Variants in EIF2S3B observed in about 807,000 individuals in gnomAD.
EIF2S3B encodes eukaryotic translation initiation factor 2 subunit gamma B, also known as eukaryotic translation initiation factor 2 subunit 3B.
In EIF2S3B, 16 loss-of-function variants were observed where a neutral mutation model predicts 26.4. That is an observed-to-expected ratio of 0.61 (90% CI 0.41 to 0.92). The LOEUF (loss-of-function observed/expected upper bound fraction) is 0.92. Among genes scored for constraint, EIF2S3B ranks in the 40% least tolerant of loss-of-function variants. The pLI, the probability that EIF2S3B is intolerant of heterozygous loss-of-function variation, is 0.00. For missense variants in EIF2S3B, 510 were observed against 575.5 expected, an observed-to-expected ratio of 0.89 and a Z score of 1.16; for synonymous variants, 183 against 204.4, an observed-to-expected ratio of 0.90 and a Z score of 0.89.
chr12:10,507,948 T>C lies in EIF2S3B; in HGVS notation c.*627T>C, dbSNP rs1176711356. Among the ~76,000 whole-genome samples, 1 of 152,112 alleles carries C rather than the reference T, an allele frequency of 6.6e-6. No individual in the cohort carries two copies. Among genetic ancestry groups the C allele is most frequent in the Non-Finnish European group, 1.5e-5 (1 of 68,030 alleles). ...CAGCCTTTGCTGTAGCACACACATATATCACTGAAACTGTTCGAAATAAAG... is the reference window on the plus strand; with the variant it reads ...CAGCCTTTGCTGTAGCACACACATACATCACTGAAACTGTTCGAAATAAAG... On this transcript the variant is annotated 3_prime_UTR_variant, in exon 1 of 1. Transcript: ENST00000538173.
At position 10,507,205 on chromosome 12, in the gene EIF2S3B, A is replaced by G. The variant is rs1243657892; in HGVS notation, c.1303A>G (p.Thr435Ala). 1.2e-6 allele frequency: 2 copies of G among 1,613,990 alleles called. No homozygotes were observed. The highest frequency in any genetic ancestry group is 1.7e-5 in the Admixed American group (1 of 60,028). Reference sequence around the variant, plus strand: ...AATTGTTTTGACCAATCCAGTGTGCACAGAGGTAGGAGAAAAAATTGCCCT... The same window carrying G: ...AATTGTTTTGACCAATCCAGTGTGCGCAGAGGTAGGAGAAAAAATTGCCCT... ...GKIVLTNPVC[T>A]EVGEKIALSR... The change falls in exon 1 of 1, where the codon ACA becomes GCA. Residue 435 changes from threonine (T) to alanine (A), a missense_variant. Thr to Ala is a moderately conservative substitution (Grantham distance 58, BLOSUM62 0). Coordinates refer to ENST00000538173, the MANE Select transcript of EIF2S3B (RefSeq NM_001357734.3).
exon 2 of EIF2S3B, chr12:10,522,848 T>C (rs1864847746): frequency 3.8e-6 from 2 of 520,774 alleles, no homozygotes; most frequent in Non-Finnish European, 6.9e-6. Flanking sequence ...TATTGCAACA[T>C]GTTTACAGCC....
chr12:10,506,544 A>C lies in EIF2S3B; in HGVS notation c.642A>C (p.Thr214=). The change falls in exon 1 of 1, where the codon ACA becomes ACC. Residue 214 remains threonine (T), a synonymous_variant. Transcript: ENST00000538173. The part of the protein sequence containing the change: ...YEQILAFVQG[T]VAEGAPIIPI... ...AGATCCTTGCGTTTGTCCAAGGTACAGTAGCAGAGGGAGCTCCCATTATTC... is the reference window on the plus strand; with the variant it reads ...AGATCCTTGCGTTTGTCCAAGGTACCGTAGCAGAGGGAGCTCCCATTATTC... 2 of 1,590,978 alleles carry C rather than the reference A, an allele frequency of 1.3e-6. No homozygotes were observed. The highest frequency in any genetic ancestry group is 2.2e-5 in the South Asian group (2 of 90,554).
chr12:10,519,575 C>T (rs1390858782), intron 1 of EIF2S3B, among the ~76,000 whole-genome samples: 2 of 152,120 alleles, frequency 1.3e-5, no homozygotes, highest in East Asian at 3.9e-4. Flanking sequence ...AACAGGCAAC[C>T]TACAAAATGG....
At chr12:10,522,471 A>G in intron 1 of EIF2S3B, 1 of 510,348 alleles carries the variant, frequency 2.0e-6, no homozygotes, top group Non-Finnish European at 3.5e-6. Flanking sequence ...AGAACAAAGC[A>G]TCATTCAATT....
At position 10,506,823 on chromosome 12, in the gene EIF2S3B, A is replaced by T. The variant is rs1396754186; in HGVS notation, c.921A>T (p.Gly307=). 3.1e-6 allele frequency: 5 copies of T among 1,613,638 alleles called. No individual in the cohort carries two copies. The Admixed American group carries it at 8.3e-5, about 27-fold the overall frequency. The change falls in exon 1 of 1, where the codon GGA becomes GGT. Residue 307 remains glycine (G), a synonymous_variant. Coordinates refer to ENST00000538173, the MANE Select transcript of EIF2S3B (RefSeq NM_001357734.3). ...GTATTGTTTCCAAAGATAGTGAAGG[A>T]AAACTCATGTGTAAATCAATCTTTT... ...RPGIVSKDSE[G]KLMCKSIFSK...
intron 1 of EIF2S3B, among the ~76,000 whole-genome samples, chr12:10,518,445 T>A (rs1864789659): frequency 6.6e-6 from 1 of 152,136 alleles, no homozygotes; most frequent in Non-Finnish European, 1.5e-5. Flanking sequence ...TTGTTTTCCA[T>A]TTGCTTGGTA....
chr12:10,513,139 T>C (rs1273468901), downstream of EIF2S3B, among the ~76,000 whole-genome samples: 1 of 152,282 alleles, frequency 6.6e-6, no homozygotes, highest in Non-Finnish European at 1.5e-5. Context: ...TGATTTATTT[T>C]ATACATACTT....
Position 10,507,357 on chromosome 12 carries a change from G to A in EIF2S3B, c.*36G>A, listed in dbSNP as rs1490008386. ...TTAAATAATACATTCGGATGGAGCT[G>A]GAAGTTGCAATTTCTCTTTAACAAC... On this transcript the variant is annotated 3_prime_UTR_variant, in exon 1 of 1. Transcript: ENST00000538173. 1.9e-6 allele frequency: 3 copies of A among 1,609,670 alleles called. No individual in the cohort carries two copies. Among genetic ancestry groups the A allele is most frequent in the East Asian group, 4.5e-5 (2 of 44,862 alleles).
downstream of EIF2S3B, among the ~76,000 whole-genome samples, chr12:10,513,050 G>T (rs960078540): frequency 9.2e-5 from 14 of 152,040 alleles, no homozygotes; most frequent in Non-Finnish European, 1.3e-4. Flanking sequence ...TTATCTACTT[G>T]TATATTTCAC....
In EIF2S3B at chr12:10,507,276, G is replaced by A. The variant is rs1284206087; in HGVS notation, c.1374G>A (p.Gln458=). The part of the protein sequence containing the change: ...EKHWRLIGWG[Q]IRRGVTIKPT... ...ACTGGCGTTTAATTGGTTGGGGTCAGATAAGAAGAGGAGTGACAATCAAGC... is the reference window on the plus strand; with the variant it reads ...ACTGGCGTTTAATTGGTTGGGGTCAAATAAGAAGAGGAGTGACAATCAAGC... Residue 458 remains glutamine, a synonymous_variant, in exon 1 of 1, where the codon CAG becomes CAA. Coordinates refer to ENST00000538173, the MANE Select transcript of EIF2S3B (RefSeq NM_001357734.3). The A allele has an allele frequency of 6.2e-7, 1 of 1,613,608 alleles. No homozygotes were observed. Among genetic ancestry groups the A allele is most frequent in the Non-Finnish European group, 8.5e-7 (1 of 1,179,520 alleles).
chr12:10,508,677 T>A (rs1864673456), downstream of EIF2S3B, among the ~76,000 whole-genome samples: 1 of 152,072 alleles, frequency 6.6e-6, no homozygotes, highest in South Asian at 2.1e-4. Flanking sequence ...TCTCCATATA[T>A]AACATTAAAA....
chr12:10,514,945 C>T (rs1237357481), intron 1 of EIF2S3B, among the ~76,000 whole-genome samples: 1 of 151,998 alleles, frequency 6.6e-6, no homozygotes, highest in Non-Finnish European at 1.5e-5. Context: ...CATATTGGTC[C>T]TTCACTTAAA....
At chr12:10,512,451 C>T (rs950981386), downstream of EIF2S3B, among the ~76,000 whole-genome samples, 8 of 152,100 alleles carry the variant, frequency 5.3e-5, no homozygotes, top group Non-Finnish European at 7.4e-5. Context: ...TGTATCACTC[C>T]TTTTTCTCAA....
chr12:10,517,419 C>A (rs994082122), intron 1 of EIF2S3B, among the ~76,000 whole-genome samples: 4 of 152,224 alleles, frequency 2.6e-5, no homozygotes, highest in Admixed American at 2.0e-4. Flanking sequence ...GTAGTATTCT[C>A]TGATGGTAGT....
chr12:10,518,795 C>G (rs1222119392), intron 1 of EIF2S3B, among the ~76,000 whole-genome samples: 3 of 151,710 alleles, frequency 2.0e-5, no homozygotes, highest in Non-Finnish European at 4.4e-5. Context: ...AGGAATCCAA[C>G]TTACAAGGGA....
chr12:10,518,921 T>C (rs1163794579), intron 1 of EIF2S3B, among the ~76,000 whole-genome samples: 2 of 152,134 alleles, frequency 1.3e-5, no homozygotes, highest in Non-Finnish European at 2.9e-5. Flanking sequence ...ATCGTAAAAA[T>C]GGCCATACTG....
intron 1 of EIF2S3B, among the ~76,000 whole-genome samples, chr12:10,522,090 A>G (rs74357082): frequency 0.015 from 2,270 of 152,366 alleles, 28 homozygotes; most frequent in Middle Eastern, 0.027. Flanking sequence ...TCTGTAAAAC[A>G]TATCATACTG....
intron 1 of EIF2S3B, among the ~76,000 whole-genome samples, chr12:10,515,457 T>A (rs1266383046): frequency 6.6e-6 from 1 of 151,904 alleles, no homozygotes; most frequent in Non-Finnish European, 1.5e-5. Flanking sequence ...TTAATAATAA[T>A]CAGAATAAAG....
Sources: gnomAD v4.1 joint callset for allele counts (sites outside exome capture counted in the v4.1 genomes callset) on GRCh38, gnomAD v4.1.1 for gene constraint, MANE v1.5 for transcripts, NCBI Gene and HGNC (gene_info 2026-07-23, HGNC 2026-07-21) for gene names.